RBFOX1: variants seen among roughly 807,000 people sequenced by gnomAD.
RBFOX1 encodes RNA binding fox-1 homolog 1.
A neutral mutation model predicts 57.7 loss-of-function variants in RBFOX1; 8 were observed. The ratio of observed to expected loss-of-function variants is 0.14; its 90% CI spans 0.08 to 0.25. The LOEUF is 0.25. Ranked by LOEUF, RBFOX1 falls within the 10% of genes least tolerant of loss-of-function variation. The probability of loss-of-function intolerance (pLI) is 1.00; values close to 1 mark genes in which losing one functional copy is unlikely to be tolerated. For missense variants in RBFOX1, 611 were observed against 548.5 expected (o/e 1.11, Z -1.14); for synonymous variants, 326 against 222.4 (o/e 1.47, Z -4.15).
chr16:7,522,033 G>A (rs976599880), intron 5 of RBFOX1, among the ~76,000 whole-genome samples: 1 of 152,190 alleles, frequency 6.6e-6, no homozygotes, highest in Admixed American at 6.5e-5. Flanking sequence ...TTCCTGGCTT[G>A]TGTGGTGTTA....
intron 5 of RBFOX1, among the ~76,000 whole-genome samples, chr16:7,558,821 C>T (rs998200616): frequency 1.1e-4 from 16 of 152,250 alleles, no homozygotes; most frequent in South Asian, 2.1e-4. Context: ...TTTCTGAGAG[C>T]ACTTGTGAAA....
At chr16:6,713,823 C>T (rs770360006) in intron 3 of RBFOX1, among the ~76,000 whole-genome samples, 10 of 152,148 alleles carry the variant, frequency 6.6e-5, no homozygotes, top group Non-Finnish European at 1.2e-4. Context: ...TTAGACTTCT[C>T]CCAGGTAGTA....
intron 2 of RBFOX1, among the ~76,000 whole-genome samples, chr16:5,517,930 C>CTGTGTGTGTGTGTGTG (rs71404527): frequency 9.0e-4 from 130 of 144,176 alleles, no homozygotes; most frequent in African/African-American, 3.0e-3. Flanking sequence ...GCAAAAGCTA[C>CTGTGTGTGTGTGTGTG]TGTGTGTGTG....
At chr16:7,186,787 C>T (rs963930819) in intron 4 of RBFOX1, among the ~76,000 whole-genome samples, 4 of 150,800 alleles carry the variant, frequency 2.7e-5, no homozygotes, top group African/African-American at 9.7e-5. Flanking sequence ...TTAAATCTAT[C>T]CTGCCATCAA....
intron 1 of RBFOX1, among the ~76,000 whole-genome samples, chr16:6,145,895 G>A (rs1456575202): frequency 6.6e-6 from 1 of 152,146 alleles, no homozygotes; most frequent in Non-Finnish European, 1.5e-5. Flanking sequence ...TCCTGGGGCA[G>A]GTATTTTGAC....
At chr16:6,342,260 G>A (rs1420632090) in intron 2 of RBFOX1, among the ~76,000 whole-genome samples, 3 of 152,176 alleles carry the variant, frequency 2.0e-5, no homozygotes, top group African/African-American at 4.8e-5. Flanking sequence ...GGGAGAGATG[G>A]CGGTGGTCTG....
intron 3 of RBFOX1, among the ~76,000 whole-genome samples, chr16:6,853,620 G>GGA (rs2094187794): frequency 6.6e-6 from 1 of 152,102 alleles, no homozygotes; most frequent in Admixed American, 6.6e-5. Context: ...CAGTTTGATG[G>GGA]GATTAATTTG....
chr16:5,870,304 C>T (rs868377586), intron 4 of RBFOX1, among the ~76,000 whole-genome samples: 82 of 142,094 alleles, frequency 5.8e-4, no homozygotes, highest in African/African-American at 2.0e-3. Flanking sequence ...CGGAGGTAAC[C>T]ATCATATATA....
At chr16:6,502,427 G>A (rs1420190473) in intron 2 of RBFOX1, among the ~76,000 whole-genome samples, 2 of 152,120 alleles carry the variant, frequency 1.3e-5, no homozygotes, top group Non-Finnish European at 2.9e-5. Context: ...AAGACCTTGG[G>A]CAAGTTATTT....
At chr16:6,040,514 C>G (rs1010429528) in intron 1 of RBFOX1, among the ~76,000 whole-genome samples, 1 of 152,174 alleles carries the variant, frequency 6.6e-6, no homozygotes, top group Non-Finnish European at 1.5e-5. Flanking sequence ...CAGGGTTTAT[C>G]TGCGTGGAAG....
rs140284313 is a variant in RBFOX1, at chr16:6,078,318, C to A, written c.-127+58326C>A. The stretch of plus-strand genomic sequence containing the variant: ...GAGCAAGCTTCTCCAGCCCATGTCC[C>A]CCACAGGGTGCATGTGGCCCGGGAC... On this transcript the variant is annotated intron_variant, in intron 1 of 15. Transcript: ENST00000550418. Among the ~76,000 whole-genome samples, 672 of 152,244 alleles carry A rather than the reference C, an allele frequency of 4.4e-3. 6 individuals are homozygous for A. Among genetic ancestry groups the A allele is most frequent in the African/African-American group, 0.015 (627 of 41,552 alleles).
At chr16:6,799,838 G>A (rs1263564557) in intron 3 of RBFOX1, among the ~76,000 whole-genome samples, 1 of 152,132 alleles carries the variant, frequency 6.6e-6, no homozygotes, top group Non-Finnish European at 1.5e-5. Flanking sequence ...ACTGAAGGCT[G>A]CGCTGTCAGC....
chr16:6,692,457 T>C (rs2060337064), intron 3 of RBFOX1, among the ~76,000 whole-genome samples: 3 of 152,174 alleles, frequency 2.0e-5, no homozygotes. Context: ...CCTAGAACAT[T>C]GAAATGTTTA....
intron 4 of RBFOX1, among the ~76,000 whole-genome samples, chr16:5,902,902 T>G (rs2058341271): frequency 6.6e-6 from 1 of 152,142 alleles, no homozygotes; most frequent in East Asian, 1.9e-4. Flanking sequence ...ACATGGACAC[T>G]TTGACGCGTA....
At chr16:7,177,500 AG>A (rs1202893046) in intron 4 of RBFOX1, among the ~76,000 whole-genome samples, 2 of 151,582 alleles carry the variant, frequency 1.3e-5, no homozygotes, top group East Asian at 1.9e-4. Flanking sequence ...AAAAAAAAAA[AG>A]AATACAAAAA....
intron 1 of RBFOX1, among the ~76,000 whole-genome samples, chr16:5,423,317 C>T (rs569378293): frequency 4.5e-4 from 69 of 152,222 alleles, no homozygotes; most frequent in African/African-American, 1.5e-3. Flanking sequence ...TTCACTGTCA[C>T]CGGTTTTCAC....
rs542257920 is a variant in RBFOX1 at position 7,697,930 on chromosome 16, G to C, written c.996-11126G>C. On this transcript the variant is annotated intron_variant, in intron 14 of 15. Coordinates refer to ENST00000550418, the MANE Select transcript of RBFOX1 (RefSeq NM_018723.4). The stretch of plus-strand genomic sequence containing the variant: ...TATTTAACTTGGCTTGTCCCCTTCA[G>C]GCAGCAGGCATATGTTTAGTTCCGT... Among the ~76,000 whole-genome samples the C allele has an allele frequency of 2.2e-3, 330 of 152,250 alleles. 2 individuals are homozygous for C. Among genetic ancestry groups the C allele is most frequent in the African/African-American group, 7.5e-3 (313 of 41,542 alleles).
upstream of RBFOX1, among the ~76,000 whole-genome samples, chr16:6,018,643 T>A (rs1442914212): frequency 6.6e-6 from 1 of 152,114 alleles, no homozygotes; most frequent in Non-Finnish European, 1.5e-5. Context: ...TGGATAGGGC[T>A]CGATCTCTGC....
At chr16:5,510,689 T>G (rs147533124) in intron 2 of RBFOX1, among the ~76,000 whole-genome samples, 185 of 152,268 alleles carry the variant, frequency 1.2e-3, no homozygotes, top group Middle Eastern at 6.8e-3. Context: ...CTACTGCATT[T>G]AAAGCTCTTG....
Sources: gnomAD v4.1 joint callset for allele counts (sites outside exome capture counted in the v4.1 genomes callset) on GRCh38, gnomAD v4.1.1 for gene constraint, MANE v1.5 for transcripts, NCBI Gene and HGNC (gene_info 2026-07-23, HGNC 2026-07-21) for gene names.